Variants in SAMD13 observed in about 807,000 individuals in gnomAD.
The protein encoded by SAMD13 is sterile alpha motif domain containing 13.
Under a neutral mutation model 12.4 loss-of-function variants are expected in SAMD13, and 9 were observed. The observed-to-expected ratio is 0.72, with a 90% confidence interval of 0.44 to 1.26. The LOEUF is 1.26. Ranked by LOEUF, SAMD13 falls within the 50% of genes most tolerant of loss-of-function variation. The pLI, the probability that SAMD13 is intolerant of heterozygous loss-of-function variation, is 0.00. For synonymous variants in SAMD13, 46 were observed against 45.4 expected (o/e 1.01, Z -0.05); for missense variants, 84 against 119.6 (o/e 0.70, Z 1.39).
intron 2 of SAMD13, among the ~76,000 whole-genome samples, chr1:84,324,466 A>T (rs923572164): frequency 6.6e-6 from 1 of 152,206 alleles, no homozygotes; most frequent in Non-Finnish European, 1.5e-5. Flanking sequence ...TTTAACTATC[A>T]TAGTAAATGA....
intron 2 of SAMD13, among the ~76,000 whole-genome samples, chr1:84,304,783 A>G (rs1253409746): frequency 6.6e-6 from 1 of 152,082 alleles, no homozygotes; most frequent in East Asian, 1.9e-4. Flanking sequence ...ACACACACAC[A>G]TATAGTTTCT....
chr1:84,336,660 A>G (rs1269748322), intron 3 of SAMD13, among the ~76,000 whole-genome samples: 1 of 152,198 alleles, frequency 6.6e-6, no homozygotes, highest in Non-Finnish European at 1.5e-5. Flanking sequence ...GCCAAACCAT[A>G]TCACTGCACC....
upstream of SAMD13, among the ~76,000 whole-genome samples, chr1:84,301,294 G>T (rs1003736517): frequency 3.9e-5 from 6 of 152,196 alleles, no homozygotes; most frequent in Non-Finnish European, 8.8e-5. Context: ...TGCAGCTTCC[G>T]AGTGTTCTCT....
At chr1:84,323,550 T>C (rs1678994373) in intron 2 of SAMD13, among the ~76,000 whole-genome samples, 6 of 152,084 alleles carry the variant, frequency 3.9e-5, no homozygotes. Context: ...TGTTGAGAAA[T>C]TAACGATCAC....
intron 2 of SAMD13, among the ~76,000 whole-genome samples, chr1:84,321,422 A>G (rs538012172): frequency 1.3e-5 from 2 of 152,258 alleles, no homozygotes; most frequent in East Asian, 1.9e-4. Flanking sequence ...TCATATTAAC[A>G]TGTATTATAT....
rs553761794 is a variant in SAMD13, at chr1:84,331,354, A to AAAAAAAAAATAC, written c.165+5610_165+5611insAAAAATACAAAA. ...AAAAAAAAAAAAAAAAAAAAAAAAAAAAAATTATGGATACAAACTTGTTAA... is the reference window on the plus strand; with the variant it reads ...AAAAAAAAAAAAAAAAAAAAAAAAAAAAAAAAAAATACAAAATTATGGATACAAACTTGTTAA... On this transcript the variant is annotated intron_variant, in intron 3 of 3. Coordinates refer to ENST00000394834, the MANE Select transcript of SAMD13 (RefSeq NM_001134663.2). 6.5e-4 allele frequency among the ~76,000 whole-genome samples: 54 copies of AAAAAAAAAATAC among 82,454 alleles called. 13 individuals carry two copies. Among genetic ancestry groups the AAAAAAAAAATAC allele is most frequent in the South Asian group, 2.1e-3 (5 of 2,336 alleles). The allele number at this position is 82,454 out of a possible 152,430, so 54.1% of individuals were successfully genotyped here.
intron 3 of SAMD13, among the ~76,000 whole-genome samples, chr1:84,347,578 T>TG (rs1280403008): frequency 5.9e-5 from 9 of 152,234 alleles, no homozygotes; most frequent in Non-Finnish European, 1.0e-4. Flanking sequence ...CATCTCTTCC[T>TG]GATGCCTGTT....
intron 3 of SAMD13, among the ~76,000 whole-genome samples, chr1:84,333,502 T>C (rs965236262): frequency 6.6e-6 from 1 of 152,182 alleles, no homozygotes; most frequent in African/African-American, 2.4e-5. Flanking sequence ...CTGATTTGGC[T>C]GTCAGCTTAG....
upstream of SAMD13, among the ~76,000 whole-genome samples, chr1:84,300,020 G>A (rs1439377980): frequency 2.0e-5 from 3 of 152,114 alleles, no homozygotes; most frequent in Non-Finnish European, 4.4e-5. Context: ...AGCTGAACAT[G>A]CTTTTGTTCT....
Position 84,301,820 on chromosome 1 carries a change from C to T in SAMD13, c.-33+19C>T. ...CTTATAGGTAGGTTTTCTTTTTACTCTTCCACAGAAAAGAAAATAATAGTA... is the reference window on the plus strand; with the variant it reads ...CTTATAGGTAGGTTTTCTTTTTACTTTTCCACAGAAAAGAAAATAATAGTA... On this transcript the variant is annotated intron_variant, in intron 1 of 3. Transcript: ENST00000394834. The T allele has an allele frequency of 1.1e-6, 1 of 935,810 alleles. No individual in the cohort carries two copies. The highest frequency in any genetic ancestry group is 5.0e-5 in the South Asian group (1 of 20,170). 58.0% of individuals were successfully genotyped at this position (935,810 alleles called of 1,614,324 possible).
At chr1:84,321,334 T>A (rs964653142) in intron 2 of SAMD13, among the ~76,000 whole-genome samples, 3 of 152,034 alleles carry the variant, frequency 2.0e-5, no homozygotes, top group African/African-American at 7.2e-5. Context: ...CTGAGATTTC[T>A]TGCTAATTTT....
chr1:84,346,605 A>G (rs1570266763), intron 3 of SAMD13, among the ~76,000 whole-genome samples: 1 of 152,224 alleles, frequency 6.6e-6, no homozygotes, highest in Non-Finnish European at 1.5e-5. Flanking sequence ...ACTGGGATCC[A>G]GAGGAGTTGT....
intron 2 of SAMD13, among the ~76,000 whole-genome samples, chr1:84,322,924 A>G (rs1678977309): frequency 6.6e-6 from 1 of 152,174 alleles, no homozygotes. Context: ...TTAAAATTAC[A>G]ATGTAGCTTA....
intron 2 of SAMD13, among the ~76,000 whole-genome samples, chr1:84,306,559 G>A (rs1288119524): frequency 6.7e-6 from 1 of 149,918 alleles, no homozygotes; most frequent in African/African-American, 2.5e-5. Context: ...AGTACTTTGG[G>A]AGGCCAAAGT....
At chr1:84,299,158 A>G (rs533818028), upstream of SAMD13, among the ~76,000 whole-genome samples, 1 of 152,018 alleles carries the variant, frequency 6.6e-6, no homozygotes, top group South Asian at 2.1e-4. Flanking sequence ...GGCTGGCTGC[A>G]CCGGGGGTCG....
chr1:84,307,660 A>G (rs1268532054), intron 2 of SAMD13, among the ~76,000 whole-genome samples: 2 of 152,068 alleles, frequency 1.3e-5, no homozygotes, highest in Non-Finnish European at 2.9e-5. Context: ...AATATGCTTG[A>G]TCTTTGCCCT....
intron 2 of SAMD13, among the ~76,000 whole-genome samples, chr1:84,316,539 A>T (rs1252402285): frequency 6.6e-6 from 1 of 152,030 alleles, no homozygotes; most frequent in African/African-American, 2.4e-5. Flanking sequence ...ATATCCATGG[A>T]TGTATTTCTG....
chr1:84,328,994 T>C (rs1042825090), intron 3 of SAMD13, among the ~76,000 whole-genome samples: 4 of 152,102 alleles, frequency 2.6e-5, no homozygotes, highest in Non-Finnish European at 4.4e-5. Context: ...TCATGGCTAT[T>C]ATGAGCTGAA....
chr1:84,303,920 T>A (rs1236011955), intron 2 of SAMD13: 1 of 152,226 alleles, frequency 6.6e-6, no homozygotes, highest in African/African-American at 2.4e-5. Context: ...TTGATATTTA[T>A]GAGTATATGA....
Sources: allele counts gnomAD v4.1 joint callset (sites outside exome capture counted in the v4.1 genomes callset), GRCh38; gene constraint gnomAD v4.1.1; transcripts MANE v1.5; gene names NCBI Gene and HGNC (gene_info 2026-07-23, HGNC 2026-07-21).